Variants in CHD9 observed in about 807,000 individuals in gnomAD.
The protein encoded by CHD9 is ATP-dependent chromatin remodeler CHD9.
A neutral mutation model predicts 316.1 loss-of-function variants in CHD9; 77 were observed. The ratio of observed to expected loss-of-function variants is 0.24; its 90% CI spans 0.20 to 0.29. CHD9 has a LOEUF of 0.29. Among genes scored for constraint, CHD9 ranks in the 10% least tolerant of loss-of-function variants. The pLI is 1.00. For synonymous variants in CHD9, 1,129 were observed against 1,158.3 expected (o/e 0.97, Z 0.51); for missense variants, 2,763 against 3,438.1 (o/e 0.80, Z 4.91).
intron 33 of CHD9, 100 bp downstream of exon 33, chr16:53,308,053 A>G (rs1427327277): frequency 2.0e-6 from 2 of 1,020,336 alleles, no homozygotes; most frequent in African/African-American, 3.3e-5. Context: ...CTTCCTTCAC[A>G]TACCTGTTTC....
chr16:53,085,657 A>C (rs1232236833), intron 1 of CHD9, among the ~76,000 whole-genome samples: 1 of 152,204 alleles, frequency 6.6e-6, no homozygotes, highest in Non-Finnish European at 1.5e-5. Flanking sequence ...CTTTAGCAAT[A>C]ACCTTCTGGG....
chr16:53,315,689 A>G (rs913692306), intron 36 of CHD9, among the ~76,000 whole-genome samples: 1 of 152,070 alleles, frequency 6.6e-6, no homozygotes, highest in Non-Finnish European at 1.5e-5. Flanking sequence ...ATGTTGGCCA[A>G]GGCTGGTCTC....
At chr16:53,095,416 G>T (rs1352712073) in intron 1 of CHD9, among the ~76,000 whole-genome samples, 1 of 151,928 alleles carries the variant, frequency 6.6e-6, no homozygotes, top group Non-Finnish European at 1.5e-5. Flanking sequence ...GGGCGTGGTG[G>T]TGTGTGCCTG....
intron 4 of CHD9, among the ~76,000 whole-genome samples, chr16:53,224,428 A>G (rs2047484409): frequency 6.6e-6 from 1 of 152,172 alleles, no homozygotes; most frequent in Non-Finnish European, 1.5e-5. Context: ...ATCTTCTATA[A>G]TCTCATAATT....
intron 2 of CHD9, among the ~76,000 whole-genome samples, chr16:53,195,671 T>C (rs181659911): frequency 9.1e-4 from 138 of 152,266 alleles, no homozygotes; most frequent in African/African-American, 3.2e-3. Flanking sequence ...CTCTCTTTTT[T>C]TGTAACTACT....
chr16:53,284,104 C>T (rs1332961560), intron 24 of CHD9, among the ~76,000 whole-genome samples: 1 of 151,896 alleles, frequency 6.6e-6, no homozygotes, highest in East Asian at 1.9e-4. Context: ...CTAACTTTTC[C>T]CACAGAACTT....
intron 1 of CHD9, among the ~76,000 whole-genome samples, chr16:53,129,341 G>A (rs112846594): frequency 5.9e-5 from 9 of 152,320 alleles, no homozygotes; most frequent in African/African-American, 2.2e-4. Context: ...CAAATAAGTG[G>A]TGTGGGGGGC....
At chr16:53,110,356 G>T (rs1029998274) in intron 1 of CHD9, among the ~76,000 whole-genome samples, 2 of 152,176 alleles carry the variant, frequency 1.3e-5, no homozygotes, top group Non-Finnish European at 2.9e-5. Context: ...CAGTGCTTTG[G>T]GAGGCTGAGG....
intron 1 of CHD9, among the ~76,000 whole-genome samples, chr16:53,125,183 C>G (rs2038916876): frequency 6.7e-6 from 1 of 150,326 alleles, no homozygotes. Flanking sequence ...TTATCAGATA[C>G]AGACTGTCCT....
intron 8 of CHD9, 134 bp downstream of exon 8, chr16:53,229,234 A>T (rs1198529504): frequency 4.0e-6 from 2 of 499,506 alleles, no homozygotes; most frequent in Admixed American, 7.0e-5. Context: ...ACCTAAATAT[A>T]GTATTTTTCT....
Position 53,157,082 on chromosome 16 carries a change from A to G in CHD9, c.993A>G (p.Ser331=), listed in dbSNP as rs764837487. 1.4e-5 allele frequency: 22 copies of G among 1,612,918 alleles called. No individual in the cohort carries two copies. Among genetic ancestry groups the G allele is most frequent in the Non-Finnish European group, 1.9e-5 (22 of 1,179,398 alleles). Residue 331 remains serine (S), a synonymous_variant, in exon 2 of 39, where the codon TCA becomes TCG. Coordinates refer to ENST00000447540, the MANE Select transcript of CHD9 (RefSeq NM_001308319.2). ...AGCATATCCTAAACCCCAATACATC[A>G]TTGAATTCAAATAATTTCCAAATAT... The part of the protein sequence containing the change: ...STQHILNPNT[S]LNSNNFQILH...
rs975326173 is a variant in CHD9, at chr16:53,271,710, G to A, written c.4718-1916G>A. Among the ~76,000 whole-genome samples, 9 of 151,940 alleles carry A rather than the reference G, an allele frequency of 5.9e-5. No homozygotes were observed. In the South Asian group the frequency reaches 1.7e-3, roughly 28 times the overall value. ...GATACTTCAAATATACCATGACTTCGAAAGAATAAGGTGCTGTAAAAACAG... is the reference window on the plus strand; with the variant it reads ...GATACTTCAAATATACCATGACTTCAAAAGAATAAGGTGCTGTAAAAACAG... On this transcript the variant is annotated intron_variant, in intron 22 of 38. Transcript: ENST00000447540.
At chr16:53,180,673 T>A (rs1026781011) in intron 2 of CHD9, among the ~76,000 whole-genome samples, 2 of 151,978 alleles carry the variant, frequency 1.3e-5, no homozygotes, top group Non-Finnish European at 1.5e-5. Flanking sequence ...TTTATTTTTT[T>A]AAATTTATTA....
chr16:53,120,920 CA>C, intron 1 of CHD9, among the ~76,000 whole-genome samples: 1 of 152,072 alleles, frequency 6.6e-6, no homozygotes, highest in East Asian at 1.9e-4. Context: ...GCAGGAGAAT[CA>C]CTTGAACATG....
At chr16:53,284,454 G>C (rs1369546295) in intron 24 of CHD9, among the ~76,000 whole-genome samples, 1 of 151,846 alleles carries the variant, frequency 6.6e-6, no homozygotes, top group Non-Finnish European at 1.5e-5. Context: ...ACTGTATTCT[G>C]TGCTAAAGAA....
Position 53,304,299 on chromosome 16 carries a change from G to T in CHD9, c.6293G>T (p.Cys2098Phe). The T allele has an allele frequency of 6.2e-7, 1 of 1,611,842 alleles. No individual in the cohort carries two copies. Among genetic ancestry groups the T allele is most frequent in the Non-Finnish European group, 8.5e-7 (1 of 1,179,776 alleles). Reference sequence around the variant, plus strand: ...GGAGACCAGAAATCTGGTGGAAAATGTGAAACAGACAGACGCATGGTTGCA... The same window carrying T: ...GGAGACCAGAAATCTGGTGGAAAATTTGAAACAGACAGACGCATGGTTGCA... ...ATGDQKSGGK[C>F]ETDRRMVAAR... The change falls in exon 31 of 39, where the codon TGT becomes TTT. Residue 2098 changes from cysteine to phenylalanine, a missense_variant. By Grantham distance (205) the Cys-to-Phe change is radical. Around this residue, in one of 15 missense-constraint regions of CHD9, gnomAD observed 663 missense variants for 751.2 expected, o/e 0.88. Transcript: ENST00000447540.
intron 2 of CHD9, among the ~76,000 whole-genome samples, chr16:53,163,224 TG>T (rs368399708): frequency 3.3e-4 from 51 of 152,334 alleles, no homozygotes; most frequent in East Asian, 2.3e-3. Context: ...TTTTATTTTT[TG>T]TTGAGACGGA....
chr16:53,308,051 A>C lies in CHD9; in HGVS notation c.7053+98A>C, dbSNP rs549986428. On this transcript the variant is annotated intron_variant, in intron 33 of 38. Coordinates refer to ENST00000447540, the MANE Select transcript of CHD9 (RefSeq NM_001308319.2). Reference sequence around the variant, plus strand: ...GCCTGCTCTTACTCTTCCTTCCTTCACATACCTGTTTCTTGGTATTTGGAT... The same window carrying C: ...GCCTGCTCTTACTCTTCCTTCCTTCCCATACCTGTTTCTTGGTATTTGGAT... 4.8e-6 allele frequency: 5 copies of C among 1,034,002 alleles called. No homozygotes were observed. In the South Asian group the frequency reaches 8.5e-5, roughly 18 times the overall value. 64.1% of individuals were successfully genotyped at this position (1,034,002 alleles called of 1,614,324 possible).
At chr16:53,206,118 A>C (rs938782361) in intron 2 of CHD9, among the ~76,000 whole-genome samples, 3 of 151,736 alleles carry the variant, frequency 2.0e-5, no homozygotes, top group South Asian at 2.1e-4. Context: ...AGGCCCAGTT[A>C]ATTTTGTATT....
Sources: gnomAD v4.1 joint callset for allele counts (sites outside exome capture counted in the v4.1 genomes callset) on GRCh38, gnomAD v4.1.1 for gene constraint, gnomAD v4.1.1 regional missense constraint, MANE v1.5 for transcripts, NCBI Gene and HGNC (gene_info 2026-07-23, HGNC 2026-07-21) for gene names.